ZNF529: variants seen among roughly 807,000 people sequenced by gnomAD.
The protein encoded by ZNF529 is zinc finger protein 529.
Under a neutral mutation model 10.1 loss-of-function variants are expected in ZNF529, and 11 were observed. The observed-to-expected ratio is 1.09, with a 90% CI of 0.69 to 1.81. The LOEUF (loss-of-function observed/expected upper bound fraction) is 1.81. Ranked by LOEUF, ZNF529 falls within the 40% of genes most tolerant of loss-of-function variation. The pLI is 0.00. For missense variants in ZNF529, 624 were observed against 666.8 expected (o/e 0.94, Z 0.71); for synonymous variants, 204 against 215.7 (o/e 0.95, Z 0.47).
intron 2 of ZNF529, among the ~76,000 whole-genome samples, chr19:36,567,899 T>C (rs1226023054): frequency 1.3e-5 from 2 of 152,162 alleles, no homozygotes; most frequent in African/African-American, 4.8e-5. Context: ...TGAAAAAATA[T>C]CTGCAAATCA....
At chr19:36,578,631 T>C (rs1487999146) in intron 2 of ZNF529, among the ~76,000 whole-genome samples, 1 of 147,710 alleles carries the variant, frequency 6.8e-6, no homozygotes, top group East Asian at 2.1e-4. Context: ...TTTTTTGAGA[T>C]GAAGTGTTGC....
At chr19:36,561,092 C>T (rs1254581225) in intron 2 of ZNF529, among the ~76,000 whole-genome samples, 1 of 152,180 alleles carries the variant, frequency 6.6e-6, no homozygotes, top group Non-Finnish European at 1.5e-5. Context: ...CTGCTCCTCC[C>T]ATCACAGGCC....
At chr19:36,578,366 C>T (rs1226907139) in intron 2 of ZNF529, among the ~76,000 whole-genome samples, 3 of 106,464 alleles carry the variant, frequency 2.8e-5, no homozygotes, top group African/African-American at 3.7e-5. Context: ...AGTGCAGTGG[C>T]GTGATCTCAG....
intron 2 of ZNF529, chr19:36,582,281 C>A (rs982674937): frequency 6.6e-6 from 1 of 151,970 alleles, no homozygotes; most frequent in Non-Finnish European, 1.5e-5. Context: ...GCTGTATACT[C>A]AAATAGTTAA....
intron 2 of ZNF529, among the ~76,000 whole-genome samples, chr19:36,562,580 A>G (rs2035745064): frequency 6.6e-6 from 1 of 151,830 alleles, no homozygotes. Flanking sequence ...TCATGCCTGT[A>G]ATCCTAGCAC....
chr19:36,570,360 C>CAAAAAAAAAAAAAA (rs58429405), intron 2 of ZNF529, among the ~76,000 whole-genome samples: 3 of 70,586 alleles, frequency 4.3e-5, no homozygotes, highest in Non-Finnish European at 5.7e-5. Context: ...GACCCTATCT[C>CAAAAAAAAAAAAAA]AAAAAAAAAA....
intron 2 of ZNF529, among the ~76,000 whole-genome samples, chr19:36,578,431 G>A (rs576188243): frequency 2.2e-4 from 29 of 134,766 alleles, no homozygotes; most frequent in Non-Finnish European, 3.5e-4. Context: ...TCAGCCTCCC[G>A]AGTAGCTGGG....
At position 36,547,305 on chromosome 19, in the gene ZNF529, C is replaced by A; in HGVS notation, c.1253G>T (p.Gly418Val). The change falls in exon 5 of 5, where the codon GGT becomes GTT. Residue 418 changes from glycine to valine, a missense_variant. Transcript: ENST00000591340. ...SLTRHQRIHTGEKPYKCKECE... is the reference protein window; with the variant it reads ...SLTRHQRIHTVEKPYKCKECE... ...TTCTTTACATTTATAGGGTTTTTCA[C>A]CAGTATGAATCCTCTGATGTCTAGT... 1 of 1,613,760 alleles carries A rather than the reference C, an allele frequency of 6.2e-7. No homozygotes were observed. Among genetic ancestry groups the A allele is most frequent in the Non-Finnish European group, 8.5e-7 (1 of 1,179,874 alleles).
chr19:36,547,224 CTG>C lies in ZNF529; in HGVS notation c.1332_1333del (p.His444GlnfsTer7), dbSNP rs764403428. On this transcript the variant is annotated frameshift_variant, in exon 5 of 5. Transcript: ENST00000591340. LOFTEE classifies it low-confidence loss of function (END_TRUNC). ...CTTACATTCATAAGGTTTTTGACCACTGTGAATTCTTTCATGTCGAGTAAGTT... is the reference window on the plus strand; with the variant it reads ...CTTACATTCATAAGGTTTTTGACCACTGAATTCTTTCATGTCGAGTAAGTT... 1,497 of 1,613,762 alleles carry C rather than the reference CTG, an allele frequency of 9.3e-4. 2 individuals are homozygous for C. Among genetic ancestry groups the C allele is most frequent in the Non-Finnish European group, 1.2e-3 (1,445 of 1,179,796 alleles).
intron 4 of ZNF529, among the ~76,000 whole-genome samples, chr19:36,549,465 A>G (rs2035179934): frequency 6.6e-6 from 1 of 152,218 alleles, no homozygotes; most frequent in Non-Finnish European, 1.5e-5. Flanking sequence ...CTAGAAAACA[A>G]TAATTATCAA....
At position 36,546,545 on chromosome 19, in the gene ZNF529, T is replaced by C. The variant is rs1442640458; in HGVS notation, c.*321A>G. On this transcript the variant is annotated 3_prime_UTR_variant, in exon 5 of 5. Coordinates refer to ENST00000591340, the MANE Select transcript of ZNF529 (RefSeq NM_020951.5). ...CAATGCAGAAAAGATATTGAAGTAA[T>C]ATTACAATTAAAAAACTGAATAGTC... 1 of 232,000 alleles carries C rather than the reference T, an allele frequency of 4.3e-6. No homozygotes were observed. The highest frequency in any genetic ancestry group is 8.3e-6 in the Non-Finnish European group (1 of 119,828). 14.4% of individuals were successfully genotyped at this position (232,000 alleles called of 1,614,324 possible).
upstream of ZNF529, among the ~76,000 whole-genome samples, chr19:36,573,876 G>A (rs1483826043): frequency 1.3e-5 from 2 of 152,216 alleles, no homozygotes; most frequent in Non-Finnish European, 2.9e-5. Flanking sequence ...GCTTCTAAGT[G>A]TGGGGGCCTC....
chr19:36,577,789 A>G (rs944624582), upstream of ZNF529: 1 of 151,872 alleles, frequency 6.6e-6, no homozygotes, highest in African/African-American at 2.4e-5. Context: ...GCTGAACTCT[A>G]CTCTTTATGT....
intron 2 of ZNF529, chr19:36,581,563 C>T (rs1173499202): frequency 6.6e-6 from 1 of 152,174 alleles, no homozygotes; most frequent in Non-Finnish European, 1.5e-5. Context: ...ATGTGACCCC[C>T]AGTGTTGGAG....
chr19:36,550,969 A>T (rs1416593443), intron 4 of ZNF529, among the ~76,000 whole-genome samples: 1 of 152,224 alleles, frequency 6.6e-6, no homozygotes, highest in East Asian at 1.9e-4. Context: ...GAAACAGAAA[A>T]ATCATAACCA....
upstream of ZNF529, among the ~76,000 whole-genome samples, chr19:36,578,291 C>CTTTTTTT (rs1159725232): frequency 0.011 from 335 of 31,818 alleles, 121 homozygotes; most frequent in Non-Finnish European, 0.015. Context: ...GTCTTGATCT[C>CTTTTTTT]TTTTTTTTTT....
In ZNF529 at chr19:36,547,807, CATT is replaced by C. The variant is rs748339814; in HGVS notation, c.748_750del (p.Asn250del). ...TATTCCTTACATTTATAGAACTTCT[CATT>C]ATGAATTTTCTGGTATACATTAAAG... On this transcript the variant is annotated inframe_deletion, in exon 5 of 5. Coordinates refer to ENST00000591340, the MANE Select transcript of ZNF529 (RefSeq NM_020951.5). 5.6e-5 allele frequency: 90 copies of C among 1,609,312 alleles called. No individual in the cohort carries two copies. The highest frequency in any genetic ancestry group is 7.2e-5 in the Non-Finnish European group (85 of 1,178,306).
upstream of ZNF529, among the ~76,000 whole-genome samples, chr19:36,574,306 TGAAA>T (rs1568606580): frequency 1.3e-5 from 2 of 152,290 alleles, no homozygotes; most frequent in Admixed American, 1.3e-4. Context: ...GGCAATGGGT[TGAAA>T]GAGTTATTGA....
At chr19:36,560,277 A>C (rs968286870) in intron 2 of ZNF529, among the ~76,000 whole-genome samples, 4 of 143,570 alleles carry the variant, frequency 2.8e-5, no homozygotes, top group Non-Finnish European at 6.0e-5. Flanking sequence ...AAAAAAAAAA[A>C]AAAAGAGAAG....
Sources: allele counts gnomAD v4.1 joint callset (sites outside exome capture counted in the v4.1 genomes callset), GRCh38; gene constraint gnomAD v4.1.1; transcripts MANE v1.5; gene names NCBI Gene and HGNC (gene_info 2026-07-23, HGNC 2026-07-21).